KIAA0319L: variants seen among roughly 807,000 people sequenced by gnomAD.
The protein encoded by KIAA0319L is dyslexia-associated protein KIAA0319-like protein.
Under a neutral mutation model 120.1 loss-of-function variants are expected in KIAA0319L, and 55 were observed. That is an observed-to-expected ratio of 0.46 (90% CI 0.37 to 0.57). KIAA0319L has a LOEUF of 0.57. KIAA0319L is among the 20% of genes least tolerant of loss of function. The pLI is 0.00. For missense variants in KIAA0319L, 1,049 were observed against 1,255.3 expected, an observed-to-expected ratio of 0.84 and a Z score of 2.48; for synonymous variants, 398 against 471.9, an observed-to-expected ratio of 0.84 and a Z score of 2.03.
intron 2 of KIAA0319L, among the ~76,000 whole-genome samples, chr1:35,546,025 T>C (rs1470649430): frequency 6.6e-6 from 1 of 152,066 alleles, no homozygotes; most frequent in East Asian, 1.9e-4. Context: ...GATACTAAGT[T>C]AGAGGTAGCC....
chr1:35,531,819 C>T (rs1281016202), intron 2 of KIAA0319L, among the ~76,000 whole-genome samples: 1 of 152,180 alleles, frequency 6.6e-6, no homozygotes, highest in African/African-American at 2.4e-5. Context: ...TCTTGAAAGA[C>T]TCGGGCCCTT....
intron 2 of KIAA0319L, among the ~76,000 whole-genome samples, chr1:35,545,262 G>C (rs748893188): frequency 9.9e-5 from 15 of 152,150 alleles, no homozygotes; most frequent in Non-Finnish European, 1.6e-4. Context: ...CCCTCTGCCA[G>C]AGTGAAGAGT....
intron 9 of KIAA0319L, among the ~76,000 whole-genome samples, chr1:35,457,691 G>A (rs770206055): frequency 2.0e-5 from 3 of 152,138 alleles, no homozygotes; most frequent in Non-Finnish European, 4.4e-5. Context: ...GAAAAGACAT[G>A]TAGTTTGTTT....
Position 35,453,748 on chromosome 1 carries a change from C to T in KIAA0319L, c.1781-59G>A. On this transcript the variant is annotated intron_variant, in intron 11 of 20. Transcript: ENST00000325722. This position sits in a 1 kb window ranked among gnomAD's most constrained non-coding sequence, Gnocchi z 4.1. ...CAGTCCAGGTGGGAAAGGAGAGGAA[C>T]CAATTGGGACACATGTTCTGGAAGC... is the stretch of plus-strand genomic sequence containing the variant. The T allele has an allele frequency of 6.5e-7, 1 of 1,534,644 alleles. No homozygotes were observed. The highest frequency in any genetic ancestry group is 2.3e-5 in the East Asian group (1 of 42,658).
At chr1:35,548,418 A>G (rs1332834163) in intron 2 of KIAA0319L, among the ~76,000 whole-genome samples, 1 of 152,200 alleles carries the variant, frequency 6.6e-6, no homozygotes, top group Non-Finnish European at 1.5e-5. Flanking sequence ...TTAATACAGT[A>G]TTAATAGTTT....
At chr1:35,521,896 C>T (rs1329369750) in intron 2 of KIAA0319L, among the ~76,000 whole-genome samples, 1 of 151,822 alleles carries the variant, frequency 6.6e-6, no homozygotes, top group Non-Finnish European at 1.5e-5. Context: ...TGGCGTGAAC[C>T]CGGGAGGTGG....
intron 3 of KIAA0319L, among the ~76,000 whole-genome samples, chr1:35,486,929 T>C (rs1644411696): frequency 1.3e-5 from 2 of 151,890 alleles, no homozygotes; most frequent in Admixed American, 6.6e-5. Context: ...AAAACAAACA[T>C]TTTCCTTTAA....
In KIAA0319L at chr1:35,441,134, T is replaced by C. The variant is rs1641182383; in HGVS notation, c.2875A>G (p.Lys959Glu). The C allele has an allele frequency of 6.2e-7, 1 of 1,613,932 alleles. No individual in the cohort carries two copies. The highest frequency in any genetic ancestry group is 1.3e-5 in the African/African-American group (1 of 74,892). ...WTVICCCKRQ[K>E]GKPKRKSKYK... ...TTGCTTTTCCTCTTGGGTTTTCCTT[T>C]TTGCCTAAAAAACACAACCCCCACC... Residue 959 changes from lysine to glutamate, a missense_variant, in exon 20 of 21, where the codon AAA becomes GAA. Transcript: ENST00000325722.
At chr1:35,519,206 T>C (rs555065907) in intron 2 of KIAA0319L, among the ~76,000 whole-genome samples, 29 of 151,660 alleles carry the variant, frequency 1.9e-4, no homozygotes, top group Non-Finnish European at 2.5e-4. Flanking sequence ...GAGAGGAAAA[T>C]AAATCGAAAC....
intron 1 of KIAA0319L, 30 bp from the exon 2 acceptor site, chr1:35,554,549 TGCCGA>T: frequency 3.1e-6 from 4 of 1,309,274 alleles, no homozygotes; most frequent in African/African-American, 1.5e-5. Flanking sequence ...AGAAATTACA[TGCCGA>T]GTAATTAATA....
chr1:35,553,895 T>C (rs534239831), intron 2 of KIAA0319L, among the ~76,000 whole-genome samples: 3 of 152,274 alleles, frequency 2.0e-5, no homozygotes, highest in African/African-American at 7.2e-5. Context: ...ATTTTTCCCA[T>C]AAGTGTAGAT....
chr1:35,441,059 T>G lies in KIAA0319L; in HGVS notation c.2950A>C (p.Thr984Pro). ...TDQESLELKP[T>P]SRAGIKQKGL... ...CCAGGGCCCCTACCTGCTCGGGAGG[T>G]TGGCTTCAGCTCCAGGCTTTCCTGA... Residue 984 changes from threonine to proline, a missense_variant, in exon 20 of 21, where the codon ACC (threonine) becomes CCC (proline). Thr to Pro is a conservative substitution (Grantham distance 38). Transcript: ENST00000325722. 6.2e-7 allele frequency: 1 copy of G among 1,613,996 alleles called. No individual in the cohort carries two copies. Among genetic ancestry groups the G allele is most frequent in the Non-Finnish European group, 8.5e-7 (1 of 1,179,940 alleles).
intron 2 of KIAA0319L, among the ~76,000 whole-genome samples, chr1:35,541,179 C>T (rs12749019): frequency 2.6e-5 from 4 of 151,920 alleles, no homozygotes; most frequent in South Asian, 2.1e-4. Flanking sequence ...TGGCCTCAAA[C>T]GATCCACCTG....
chr1:35,475,254 C>T (rs535176361), intron 4 of KIAA0319L, among the ~76,000 whole-genome samples: 1 of 152,222 alleles, frequency 6.6e-6, no homozygotes, highest in South Asian at 2.1e-4. Context: ...TCTTTTCCTC[C>T]ACTGTATTTT....
At chr1:35,539,473 T>C (rs1294623561) in intron 2 of KIAA0319L, among the ~76,000 whole-genome samples, 1 of 152,248 alleles carries the variant, frequency 6.6e-6, no homozygotes, top group Non-Finnish European at 1.5e-5. Context: ...GTGCAGCTTA[T>C]AAGCATACCC....
chr1:35,497,969 C>A (rs1246748050), intron 3 of KIAA0319L, among the ~76,000 whole-genome samples: 1 of 152,066 alleles, frequency 6.6e-6, no homozygotes, highest in African/African-American at 2.4e-5. Context: ...TTATCATTTT[C>A]AAAAATTTAT....
intron 2 of KIAA0319L, among the ~76,000 whole-genome samples, chr1:35,520,796 G>A (rs562038238): frequency 6.6e-6 from 1 of 152,092 alleles, no homozygotes; most frequent in South Asian, 2.1e-4. Flanking sequence ...GAATTACTTT[G>A]GTAGAGTTTA....
intron 16 of KIAA0319L, among the ~76,000 whole-genome samples, chr1:35,446,513 C>G (rs34415947): frequency 1.3e-5 from 2 of 152,206 alleles, no homozygotes; most frequent in Admixed American, 1.3e-4. Flanking sequence ...CCTCCAACAT[C>G]TAAGTAAAAT....
At chr1:35,507,589 G>A (rs1427081261) in intron 2 of KIAA0319L, among the ~76,000 whole-genome samples, 1 of 152,032 alleles carries the variant, frequency 6.6e-6, no homozygotes, top group Non-Finnish European at 1.5e-5. Context: ...AGAACAGGTA[G>A]CAATGTGAGA....
Sources: allele counts gnomAD v4.1 joint callset (sites outside exome capture counted in the v4.1 genomes callset), GRCh38; gene constraint gnomAD v4.1.1; non-coding constraint Gnocchi (gnomAD v3.1); transcripts MANE v1.5; gene names NCBI Gene and HGNC (gene_info 2026-07-23, HGNC 2026-07-21).